ATAD2: variants seen among roughly 807,000 people sequenced by gnomAD.
ATAD2 encodes ATPase family AAA domain containing 2, also known as ATPase family AAA domain-containing protein 2.
In ATAD2, 62 loss-of-function variants were observed where a neutral mutation model predicts 168.9. The ratio of observed to expected loss-of-function variants is 0.37; its 90% confidence interval spans 0.30 to 0.45. The LOEUF (loss-of-function observed/expected upper bound fraction) is 0.45, where lower values mean the gene tolerates loss of function less well. ATAD2 is among the 20% of genes least tolerant of loss of function. The pLI is 1.00. For missense variants in ATAD2, 1,419 were observed against 1,667.8 expected (o/e 0.85, Z 2.60); for synonymous variants, 613 against 571.6 (o/e 1.07, Z -1.03).
chr8:123,346,219 T>C lies in ATAD2; in HGVS notation c.2399A>G (p.Glu800Gly). 2.5e-6 allele frequency: 4 copies of C among 1,610,158 alleles called. No homozygotes were observed. Among genetic ancestry groups the C allele is most frequent in the Non-Finnish European group, 3.4e-6 (4 of 1,178,976 alleles). ...GTGAGAACCTTGCCCAAATCCTGGT[T>C]CTCCTACTATCAATATTCTTGGTCG... Reference protein sequence around the residue: ...SFRPRILIVGEPGFGQGSHLA... With the variant: ...SFRPRILIVGGPGFGQGSHLA... Residue 800 changes from glutamate (E) to glycine (G), a missense_variant, in exon 18 of 28, where the codon GAA becomes GGA. Physicochemically the swap from Glu to Gly is moderately conservative, Grantham distance 98. Coordinates refer to ENST00000287394, the MANE Select transcript of ATAD2 (RefSeq NM_014109.4).
intron 1 of ATAD2, among the ~76,000 whole-genome samples, chr8:123,387,109 C>T (rs1829666026): frequency 6.6e-6 from 1 of 152,010 alleles, no homozygotes; most frequent in Non-Finnish European, 1.5e-5. Flanking sequence ...TCTCTTGGTG[C>T]AAAAACCATT....
Position 123,347,512 on chromosome 8 carries a change from G to A in ATAD2, c.1898-106C>T, listed in dbSNP as rs983627013. The A allele has an allele frequency of 1.5e-5, 16 of 1,094,300 alleles. No individual in the cohort carries two copies. In the East Asian group the frequency reaches 1.5e-4, roughly 10 times the overall value. The allele number at this position is 1,094,300 out of a possible 1,614,324, so 67.8% of individuals were successfully genotyped here. ...AAAAAAAAAATTAAAAATCAGCCTC[G>A]GAATATAGTTAGCAAATATTTAAGA... On this transcript the variant is annotated intron_variant, in intron 15 of 27. Transcript: ENST00000287394.
chr8:123,330,497 T>TG (rs765227532), intron 24 of ATAD2, among the ~76,000 whole-genome samples: 1 of 152,082 alleles, frequency 6.6e-6, no homozygotes, highest in Non-Finnish European at 1.5e-5. Context: ...CCCGAGTAGC[T>TG]GGACTACAGG....
intron 2 of ATAD2, 73 bp from the exon 3 acceptor site, chr8:123,372,759 C>A: frequency 7.9e-7 from 1 of 1,268,840 alleles, no homozygotes; most frequent in Middle Eastern, 2.7e-4. Context: ...GATGGGATTG[C>A]ACTCCATCGT....
rs905005133 is a variant in ATAD2 at position 123,322,046 on chromosome 8, A to G, written c.4132-871T>C. Among the ~76,000 whole-genome samples, 3 of 146,370 alleles carry G rather than the reference A, an allele frequency of 2.0e-5. No homozygotes were observed. The South Asian group carries it at 6.4e-4, about 31-fold the overall frequency. ...TCTGTCAGCCAGGCTGGAGTGCAGT[A>G]GCTTGATCTTGGCTCACTGCAACCT... On this transcript the variant is annotated intron_variant, in intron 27 of 27. Transcript: ENST00000287394.
chr8:123,362,858 C>G (rs974302144), intron 8 of ATAD2, among the ~76,000 whole-genome samples: 1 of 152,210 alleles, frequency 6.6e-6, no homozygotes, highest in Non-Finnish European at 1.5e-5. Context: ...AAATTCACAA[C>G]TGTCACTTAA....
intron 1 of ATAD2, among the ~76,000 whole-genome samples, chr8:123,403,914 C>A (rs1813038109): frequency 6.6e-6 from 1 of 151,996 alleles, no homozygotes; most frequent in African/African-American, 2.4e-5. Context: ...TGAGGCCATC[C>A]ACAGGAAGCC....
intron 24 of ATAD2, among the ~76,000 whole-genome samples, chr8:123,331,017 G>T (rs1827761010): frequency 6.6e-6 from 1 of 152,088 alleles, no homozygotes; most frequent in Non-Finnish European, 1.5e-5. Context: ...CTGCCCCACT[G>T]GGTTCAAGCA....
chr8:123,329,728 C>A (rs1054878570), intron 24 of ATAD2, among the ~76,000 whole-genome samples: 1 of 122,566 alleles, frequency 8.2e-6, no homozygotes, highest in African/African-American at 3.2e-5. Context: ...CTCTAGCTTG[C>A]GTGACGCAAC....
At chr8:123,322,912 TAAA>T in intron 27 of ATAD2, 23 bp downstream of exon 27, 1 of 1,606,060 alleles carries the variant, frequency 6.2e-7, no homozygotes, top group Non-Finnish European at 8.5e-7. Flanking sequence ...AGAGCATTTG[TAAA>T]AAGTTTCCAC....
Position 123,396,274 on chromosome 8 carries a change from G to A in ATAD2, c.84C>T (p.Phe28=), listed in dbSNP as rs138728114. The change falls in exon 1 of 28, where the codon TTC becomes TTT. Residue 28 remains phenylalanine, a synonymous_variant. Coordinates refer to ENST00000287394, the MANE Select transcript of ATAD2 (RefSeq NM_014109.4). Reference sequence around the variant, plus strand: ...TCCGGCCGATGTGCTCCAGACTGAGGAAGTCACTGGACAGGTCCAAGGAGC... The same window carrying A: ...TCCGGCCGATGTGCTCCAGACTGAGAAAGTCACTGGACAGGTCCAAGGAGC... ...ATGSLDLSSD[F]LSLEHIGRRR... is the part of the protein sequence containing the mutation. 8.0e-5 allele frequency: 129 copies of A among 1,611,316 alleles called. No individual in the cohort carries two copies. The highest frequency in any genetic ancestry group is 2.2e-4 in the East Asian group (10 of 44,880).
intron 27 of ATAD2, among the ~76,000 whole-genome samples, 172 bp downstream of exon 27, chr8:123,322,766 T>C (rs1827505644): frequency 6.6e-6 from 1 of 152,204 alleles, no homozygotes; most frequent in African/African-American, 2.4e-5. Context: ...ATCCACATAT[T>C]AAAAATGATC....
chr8:123,342,537 G>C (rs1270377837), intron 19 of ATAD2: 2 of 151,894 alleles, frequency 1.3e-5, no homozygotes, highest in African/African-American at 4.8e-5. Context: ...TGGATTTTTA[G>C]GAGTCAAAGG....
At chr8:123,350,873 C>G (rs972381546) in intron 13 of ATAD2, among the ~76,000 whole-genome samples, 1 of 151,876 alleles carries the variant, frequency 6.6e-6, no homozygotes, top group South Asian at 2.1e-4. Flanking sequence ...TACAGGCGCC[C>G]GCTACCATGC....
chr8:123,410,902 C>A (rs922154482), intron 1 of ATAD2, among the ~76,000 whole-genome samples: 2 of 152,236 alleles, frequency 1.3e-5, no homozygotes, highest in Non-Finnish European at 1.5e-5. Context: ...TGCCATTGTT[C>A]CTGCATGGCT....
Position 123,369,903 on chromosome 8 carries a change from T to TCCATCTTCA in ATAD2, c.848_849insTGAAGATGG (p.Glu283delinsAspGluAspGly). The TCCATCTTCA allele has an allele frequency of 6.2e-7, 1 of 1,602,558 alleles. No homozygotes were observed. Among genetic ancestry groups the TCCATCTTCA allele is most frequent in the Non-Finnish European group, 8.5e-7 (1 of 1,174,652 alleles). Reference sequence around the variant, plus strand: ...TCTGATTCTCTTCTTCTCCATCTTCTTCATCTTCATCATCTTCATCATCAT... The same window carrying TCCATCTTCA: ...TCTGATTCTCTTCTTCTCCATCTTCTCCATCTTCATCATCTTCATCATCTTCATCATCAT... On this transcript the variant is annotated protein_altering_variant, in exon 7 of 28. Transcript: ENST00000287394.
intron 5 of ATAD2, 110 bp downstream of exon 5, chr8:123,371,126 T>C: frequency 1.8e-6 from 2 of 1,098,028 alleles, no homozygotes; most frequent in African/African-American, 1.6e-5. Flanking sequence ...AACTAATGAC[T>C]GATCAAATAA....
At position 123,349,436 on chromosome 8, in the gene ATAD2, A is replaced by G. The variant is rs542246458; in HGVS notation, c.1655T>C (p.Val552Ala). ...SRQDQIHSSI[V>A]STLLALMDGL... The stretch of plus-strand genomic sequence containing the variant: ...ATCCATAAGAGCTAGCAGGGTGGAA[A>G]CAATAGAACTAAATTTTAAAAATAA... The change falls in exon 14 of 28, where the codon GTT (valine) becomes GCT (alanine). Residue 552 changes from valine (V) to alanine (A), a missense_variant. Physicochemically the swap from Val to Ala is moderately conservative, Grantham distance 64 (BLOSUM62 0). This residue lies in a region of ATAD2 where 545 missense variants were observed against 724.9 expected (regional missense o/e 0.75). Transcript: ENST00000287394. The G allele has an allele frequency of 6.9e-5, 112 of 1,613,672 alleles. No individual in the cohort carries two copies. The South Asian group carries it at 1.1e-3, about 16-fold the overall frequency.
chr8:123,411,349 C>G (rs1307219317), intron 1 of ATAD2, among the ~76,000 whole-genome samples: 1 of 152,098 alleles, frequency 6.6e-6, no homozygotes, highest in Non-Finnish European at 1.5e-5. Context: ...ACTGCACAAC[C>G]CCTACTACGC....
Sources: allele counts gnomAD v4.1 joint callset (sites outside exome capture counted in the v4.1 genomes callset), GRCh38; gene constraint gnomAD v4.1.1; regional missense constraint gnomAD v4.1.1; transcripts MANE v1.5; gene names NCBI Gene and HGNC (gene_info 2026-07-23, HGNC 2026-07-21).